Variants in ZC3H14 observed in about 807,000 individuals in gnomAD.
The protein encoded by ZC3H14 is zinc finger CCCH domain-containing protein 14.
Under a neutral mutation model 92.4 loss-of-function variants are expected in ZC3H14, and 31 were observed. The ratio of observed to expected loss-of-function variants is 0.34; its 90% CI spans 0.25 to 0.45. The LOEUF (loss-of-function observed/expected upper bound fraction) is 0.45. ZC3H14 is among the 20% of genes least tolerant of loss of function. The probability of loss-of-function intolerance (pLI) is 1.00; values close to 1 mark genes in which losing one functional copy is unlikely to be tolerated. For synonymous variants in ZC3H14, 321 were observed against 300.9 expected (o/e 1.07, Z -0.69); for missense variants, 781 against 897.3 (o/e 0.87, Z 1.66).
At chr14:88,575,760 G>A (rs554103245) in intron 7 of ZC3H14, 80 bp from the exon 8 acceptor site, 131 of 1,171,992 alleles carry the variant, frequency 1.1e-4, no homozygotes, top group Non-Finnish European at 1.5e-4. Context: ...AGAAGGTTGT[G>A]GTAAAGGCAT....
intron 5 of ZC3H14, 28 bp downstream of exon 5, chr14:88,572,253 G>C (rs777407050): frequency 6.2e-7 from 1 of 1,610,196 alleles, no homozygotes; most frequent in South Asian, 1.1e-5. Context: ...ACCTGCTGGG[G>C]GCAGATGGCT....
chr14:88,600,869 C>T (rs1474354745), intron 10 of ZC3H14, among the ~76,000 whole-genome samples: 1 of 152,192 alleles, frequency 6.6e-6, no homozygotes, highest in African/African-American at 2.4e-5. Flanking sequence ...ACACACCCTT[C>T]CAGCCATTCC....
Position 88,610,823 on chromosome 14 carries a change from T to C in ZC3H14, c.2098-11T>C, listed in dbSNP as rs1282816103. ...TGTGGATATTGTTGAAGCTCTGTTATCTCTATTCAGCATTGTAGGTTTAAC... is the reference window on the plus strand; with the variant it reads ...TGTGGATATTGTTGAAGCTCTGTTACCTCTATTCAGCATTGTAGGTTTAAC... On this transcript the variant is annotated splice_polypyrimidine_tract_variant and intron_variant, in intron 15 of 16. Transcript: ENST00000251038. 2.5e-6 allele frequency: 4 copies of C among 1,610,396 alleles called. No individual in the cohort carries two copies. Among genetic ancestry groups the C allele is most frequent in the African/African-American group, 2.7e-5 (2 of 74,786 alleles).
Position 88,618,476 on chromosome 14 carries a change from TAGG to T in ZC3H14, c.*6728_*6730del. The stretch of plus-strand genomic sequence containing the variant: ...GCAAAAGATCACTACAAAAACTTAA[TAGG>T]AGAAAAGCTCTGATAAGTGGGGGAG... On this transcript the variant is annotated 3_prime_UTR_variant, in exon 17 of 17. Transcript: ENST00000251038. The T allele has an allele frequency of 2.8e-6, 3 of 1,082,866 alleles. No homozygotes were observed. The highest frequency in any genetic ancestry group is 1.6e-5 in the South Asian group (1 of 61,734). The allele number at this position is 1,082,866 out of a possible 1,614,324, so 67.1% of individuals were successfully genotyped here.
chr14:88,627,411 G>A lies in ZC3H14; in HGVS notation c.*15660G>A. The A allele has an allele frequency of 2.0e-6, 1 of 497,862 alleles. No homozygotes were observed. Among genetic ancestry groups the A allele is most frequent in the African/African-American group, 1.9e-5 (1 of 51,698 alleles). 30.8% of individuals were successfully genotyped at this position (497,862 alleles called of 1,614,324 possible). On this transcript the variant is annotated 3_prime_UTR_variant, in exon 17 of 17. Transcript: ENST00000251038. ...TTTCTTGCTGGAAGAAAATAGCAGT[G>A]AATCATTTATAATGCTAATAATGGT...
chr14:88,586,561 TC>T (rs1443667744), intron 9 of ZC3H14: 1 of 152,258 alleles, frequency 6.6e-6, no homozygotes, highest in African/African-American at 2.4e-5. Context: ...TGTCTGTCGT[TC>T]CTTTGTAGGT....
At chr14:88,599,577 T>TC (rs2084316596) in intron 10 of ZC3H14, among the ~76,000 whole-genome samples, 45 of 152,144 alleles carry the variant, frequency 3.0e-4, no homozygotes, top group Admixed American at 2.9e-3. Context: ...CTGGAGCATG[T>TC]TACACTTGGG....
At chr14:88,583,079 A>ATT (rs34990579) in intron 9 of ZC3H14, among the ~76,000 whole-genome samples, 31,162 of 128,988 alleles carry the variant, frequency 0.24, 3,853 homozygotes, top group East Asian at 0.34. Context: ...GGCTTTATTG[A>ATT]TTTTTTTTTT....
intron 9 of ZC3H14, among the ~76,000 whole-genome samples, chr14:88,579,365 T>G (rs117012165): frequency 1.3e-5 from 2 of 152,074 alleles, no homozygotes; most frequent in Non-Finnish European, 2.9e-5. Context: ...TAGGTACCAA[T>G]TGGAAAATGT....
chr14:88,621,055 C>A lies in ZC3H14; in HGVS notation c.*9304C>A. 6.5e-7 allele frequency: 1 copy of A among 1,533,392 alleles called. No individual in the cohort carries two copies. The highest frequency in any genetic ancestry group is 1.3e-5 in the South Asian group (1 of 78,466). 95.0% of individuals were successfully genotyped at this position (1,533,392 alleles called of 1,614,324 possible). A position where few individuals can be genotyped will look rare whatever the true frequency, so the allele number is the denominator to read the frequency against. ...TTCTTTAAGTACTAGCAATTTAGAA[C>A]TTCCAACTTTTCTTTTTAGAAGTTG... is the stretch of plus-strand genomic sequence containing the variant. On this transcript the variant is annotated 3_prime_UTR_variant, in exon 17 of 17. Coordinates refer to ENST00000251038, the MANE Select transcript of ZC3H14 (RefSeq NM_024824.5).
At chr14:88,580,396 G>A (rs1306390097) in intron 9 of ZC3H14, among the ~76,000 whole-genome samples, 1 of 152,214 alleles carries the variant, frequency 6.6e-6, no homozygotes, top group Non-Finnish European at 1.5e-5. Context: ...AATTTGGGAG[G>A]CCAAGGCGGG....
In ZC3H14 at chr14:88,622,455, A is replaced by C; in HGVS notation, c.*10704A>C. 4 of 569,926 alleles carry C rather than the reference A, an allele frequency of 7.0e-6. No homozygotes were observed. The highest frequency in any genetic ancestry group is 1.1e-5 in the Non-Finnish European group (4 of 359,550). 35.3% of individuals were successfully genotyped at this position (569,926 alleles called of 1,614,324 possible). ...CACACTGGTGCTAACTTTGGCAAAG[A>C]AAGCAGCAAAGACAGAGTAATGTTG... On this transcript the variant is annotated 3_prime_UTR_variant, in exon 17 of 17. Coordinates refer to ENST00000251038, the MANE Select transcript of ZC3H14 (RefSeq NM_024824.5).
At chr14:88,610,015 TG>T (rs1293765969) in intron 15 of ZC3H14, among the ~76,000 whole-genome samples, 9 of 152,070 alleles carry the variant, frequency 5.9e-5, no homozygotes, top group Non-Finnish European at 1.2e-4. Flanking sequence ...AAGCACTCAG[TG>T]GGGGGAAGCA....
At chr14:88,571,192 C>A in intron 4 of ZC3H14, 68 bp downstream of exon 4, 1 of 1,390,262 alleles carries the variant, frequency 7.2e-7, no homozygotes. Flanking sequence ...TTTCTAAAGT[C>A]ATAGTGCTTT....
chr14:88,573,089 C>G, intron 6 of ZC3H14, 82 bp downstream of exon 6: 1 of 1,504,672 alleles, frequency 6.6e-7, no homozygotes, highest in Non-Finnish European at 9.1e-7. Flanking sequence ...TAACTAAACA[C>G]ATATTCCAAG....
At chr14:88,566,004 A>G (rs1324271924) in intron 2 of ZC3H14, among the ~76,000 whole-genome samples, 2 of 94,214 alleles carry the variant, frequency 2.1e-5, no homozygotes, top group Non-Finnish European at 4.0e-5. Context: ...AGTAGCTGGG[A>G]TTACAGGCAC....
chr14:88,590,037 C>T (rs1261657705), intron 9 of ZC3H14: 3 of 151,956 alleles, frequency 2.0e-5, no homozygotes, highest in African/African-American at 4.8e-5. Context: ...GGCTGAGGTA[C>T]GAGAATTGGT....
intron 9 of ZC3H14, chr14:88,595,033 G>GC: frequency 6.8e-6 from 11 of 1,613,604 alleles, no homozygotes; most frequent in Non-Finnish European, 9.3e-6. Flanking sequence ...ACAGTTTGAA[G>GC]ATCAAGAAGA....
Position 88,627,341 on chromosome 14 carries a change from TAAG to T in ZC3H14, c.*15593_*15595del. The T allele has an allele frequency of 2.2e-6, 1 of 453,370 alleles. No individual in the cohort carries two copies. 28.1% of individuals were successfully genotyped at this position (453,370 alleles called of 1,614,324 possible). Reference sequence around the variant, plus strand: ...TCATTAGAAATATACATAATTTTCATAAGAATCTCCAAAACCAATCAAATCATT... The same window carrying T: ...TCATTAGAAATATACATAATTTTCATAATCTCCAAAACCAATCAAATCATT... On this transcript the variant is annotated 3_prime_UTR_variant, in exon 17 of 17. Coordinates refer to ENST00000251038, the MANE Select transcript of ZC3H14 (RefSeq NM_024824.5).
Sources: allele counts gnomAD v4.1 joint callset (sites outside exome capture counted in the v4.1 genomes callset), GRCh38; gene constraint gnomAD v4.1.1; transcripts MANE v1.5; gene names NCBI Gene and HGNC (gene_info 2026-07-23, HGNC 2026-07-21).